ANOS1: variants seen among roughly 807,000 people sequenced by gnomAD.
The protein encoded by ANOS1 is anosmin 1.
A neutral mutation model predicts 59.0 loss-of-function variants in ANOS1; 6 were observed. The ratio of observed to expected loss-of-function variants is 0.10; its 90% CI spans 0.06 to 0.20. The LOEUF (loss-of-function observed/expected upper bound fraction) is 0.20. Among genes scored for constraint, ANOS1 ranks in the 10% least tolerant of loss-of-function variants. The pLI is 1.00. For synonymous variants in ANOS1, 217 were observed against 223.4 expected (o/e 0.97, Z 0.25); for missense variants, 433 against 542.3 (o/e 0.80, Z 2.00).
In ANOS1 at chrX:8,702,566, T is replaced by C. The variant is rs750702557; in HGVS notation, c.208-2821A>G. On this transcript the variant is annotated intron_variant, in intron 1 of 13. Coordinates refer to ENST00000262648, the MANE Select transcript of ANOS1 (RefSeq NM_000216.4). ...GCATGTTGCACGGTGTGTAGATTCA[T>C]ACAGGATTGGCTAAAATCCTAGGTA... 2.4e-4 allele frequency among the ~76,000 whole-genome samples: 27 copies of C among 111,541 alleles called. No individual in the cohort carries two copies. The Admixed American group carries it at 2.5e-3, about 10-fold the overall frequency.
At chrX:8,707,325 C>T (rs1216959780) in intron 1 of ANOS1, among the ~76,000 whole-genome samples, 4 of 111,150 alleles carry the variant, frequency 3.6e-5, no homozygotes, top group Non-Finnish European at 5.7e-5. Flanking sequence ...TCCTGAGGAG[C>T]TAGAAAGAAT....
chrX:8,615,370 C>T (rs751529693), intron 3 of ANOS1, among the ~76,000 whole-genome samples: 2 of 109,661 alleles, frequency 1.8e-5, no homozygotes, highest in African/African-American at 3.3e-5. Flanking sequence ...TGGTGAAACC[C>T]TGTCTCTACT....
At chrX:8,607,597 G>A (rs963295013) in intron 3 of ANOS1, among the ~76,000 whole-genome samples, 8 of 111,422 alleles carry the variant, frequency 7.2e-5, no homozygotes. Flanking sequence ...TAAATAGCTC[G>A]AGAAGTTCAC....
chrX:8,602,192 T>C (rs1930855480), intron 3 of ANOS1, among the ~76,000 whole-genome samples: 1 of 112,332 alleles, frequency 8.9e-6, no homozygotes, highest in Non-Finnish European at 1.9e-5. Context: ...ATATTATTTG[T>C]TTGAATATAA....
At chrX:8,550,672 C>T (rs1251506791) in intron 9 of ANOS1, among the ~76,000 whole-genome samples, 1 of 110,315 alleles carries the variant, frequency 9.1e-6, no homozygotes, top group African/African-American at 3.3e-5. Context: ...CAAAAATTAA[C>T]TTGCACATAT....
intron 2 of ANOS1, among the ~76,000 whole-genome samples, chrX:8,667,742 G>C (rs1164332568): frequency 2.7e-5 from 3 of 111,162 alleles, no homozygotes; most frequent in Admixed American, 1.9e-4. Context: ...TAAGGTAAGG[G>C]ATTTAGTGGC....
intron 2 of ANOS1, among the ~76,000 whole-genome samples, chrX:8,629,906 A>G (rs1931459236): frequency 8.9e-6 from 1 of 112,564 alleles, no homozygotes; most frequent in Non-Finnish European, 1.9e-5. Flanking sequence ...CCATGCTAAA[A>G]CAAAGAAGCA....
intron 1 of ANOS1, among the ~76,000 whole-genome samples, chrX:8,722,574 TACACACAC>T (rs774803381): frequency 8.6e-4 from 88 of 102,143 alleles, no homozygotes; most frequent in African/African-American, 3.2e-3. Flanking sequence ...ATTATGTGTG[TACACACAC>T]ACACACACAC....
At chrX:8,664,635 C>T (rs771656995) in intron 2 of ANOS1, among the ~76,000 whole-genome samples, 1 of 111,248 alleles carries the variant, frequency 9.0e-6, no homozygotes, top group Non-Finnish European at 1.9e-5. Context: ...GAGCCTTTTC[C>T]ATAAACAAAT....
intron 3 of ANOS1, 99 bp from the exon 4 acceptor site, chrX:8,597,355 A>C: frequency 2.8e-6 from 2 of 721,869 alleles, no homozygotes; most frequent in Non-Finnish European, 4.2e-6. Flanking sequence ...TCCCCACCAA[A>C]CCTTTGTTTG....
intron 3 of ANOS1, among the ~76,000 whole-genome samples, chrX:8,612,172 G>A (rs964027301): frequency 1.8e-5 from 2 of 111,968 alleles, no homozygotes; most frequent in Non-Finnish European, 3.8e-5. Flanking sequence ...GAAATCCTAA[G>A]TTTTGTCTTA....
At chrX:8,580,721 C>G (rs986525214) in intron 6 of ANOS1, among the ~76,000 whole-genome samples, 3 of 111,718 alleles carry the variant, frequency 2.7e-5, no homozygotes, top group African/African-American at 9.8e-5. Context: ...TGAGCCTAAA[C>G]TAACTGGAAC....
At chrX:8,620,286 A>G (rs75411711) in intron 3 of ANOS1, among the ~76,000 whole-genome samples, 7,700 of 112,191 alleles carry the variant, frequency 0.069, 315 homozygotes, top group South Asian at 0.25. Flanking sequence ...TTTATAAAAC[A>G]AGAGGCAGAC....
At chrX:8,588,283 G>C (rs1249752798) in intron 4 of ANOS1, among the ~76,000 whole-genome samples, 1 of 110,954 alleles carries the variant, frequency 9.0e-6, no homozygotes, top group Non-Finnish European at 1.9e-5. Context: ...CATTTCATGT[G>C]CATTCTTTTC....
chrX:8,574,747 C>T (rs1930292302), intron 6 of ANOS1, among the ~76,000 whole-genome samples: 1 of 111,641 alleles, frequency 9.0e-6, no homozygotes, highest in South Asian at 3.8e-4. Context: ...CTTGGACTGG[C>T]TTCCTTGCTC....
intron 13 of ANOS1, among the ~76,000 whole-genome samples, 186 bp from the exon 14 acceptor site, chrX:8,533,239 T>C (rs1007685193): frequency 1.8e-5 from 2 of 111,905 alleles, no homozygotes; most frequent in African/African-American, 6.5e-5. Flanking sequence ...TTTCTCTTCC[T>C]CTTTGATGTC....
At chrX:8,580,965 G>A (rs1930410740) in intron 6 of ANOS1, among the ~76,000 whole-genome samples, 1 of 111,587 alleles carries the variant, frequency 9.0e-6, no homozygotes, top group Non-Finnish European at 1.9e-5. Context: ...CTGGAAGACT[G>A]GCACAGTTTC....
intron 4 of ANOS1, among the ~76,000 whole-genome samples, chrX:8,592,425 A>G (rs1189145371): frequency 1.1e-4 from 12 of 112,200 alleles, no homozygotes; most frequent in Non-Finnish European, 5.6e-5. Context: ...AACAGACTGA[A>G]GTACAATTAA....
intron 2 of ANOS1, among the ~76,000 whole-genome samples, chrX:8,671,752 C>T (rs754725591): frequency 9.2e-6 from 1 of 109,127 alleles, no homozygotes; most frequent in Admixed American, 9.9e-5. Context: ...ATTCCAACGA[C>T]AGGAATTAAT....
Sources: allele counts gnomAD v4.1 joint callset (sites outside exome capture counted in the v4.1 genomes callset), GRCh38; gene constraint gnomAD v4.1.1; transcripts MANE v1.5; gene names NCBI Gene and HGNC (gene_info 2026-07-23, HGNC 2026-07-21).